STAG1: variants seen among roughly 807,000 people sequenced by gnomAD.
The protein encoded by STAG1 is cohesin subunit SA-1.
A neutral mutation model predicts 170.9 loss-of-function variants in STAG1; 26 were observed. That is an observed-to-expected ratio of 0.15 (90% CI 0.11 to 0.21). The LOEUF is 0.21. Ranked by LOEUF, STAG1 falls within the 10% of genes least tolerant of loss-of-function variation. STAG1 has a pLI of 1.00. For synonymous variants in STAG1, 514 were observed against 497.7 expected (o/e 1.03, Z -0.44); for missense variants, 964 against 1,509.5 (o/e 0.64, Z 5.99).
intron 3 of STAG1, among the ~76,000 whole-genome samples, chr3:136,613,399 T>A (rs1306364444): frequency 2.6e-5 from 4 of 152,104 alleles, no homozygotes; most frequent in Non-Finnish European, 5.9e-5. Flanking sequence ...ATTTTTAAAT[T>A]TCAGCCATTC....
Position 136,433,506 on chromosome 3 carries a change from T to C in STAG1, c.1650+50A>G, listed in dbSNP as rs776961311. 3.0e-6 allele frequency: 4 copies of C among 1,343,032 alleles called. No homozygotes were observed. In the East Asian group the frequency reaches 9.3e-5, roughly 31 times the overall value. The allele number at this position is 1,343,032 out of a possible 1,614,324, so 83.2% of individuals were successfully genotyped here. A position where few individuals can be genotyped will look rare whatever the true frequency, so the allele number is the denominator to read the frequency against. On this transcript the variant is annotated intron_variant, in intron 16 of 33. Transcript: ENST00000383202. ...TAAAATTTCCAAATATTTAAGACAG[T>C]TAATTGCCATTAAAAACCTTTTAGG...
At chr3:136,574,343 TACACACACACAC>T (rs144809759) in intron 4 of STAG1, among the ~76,000 whole-genome samples, 1 of 148,962 alleles carries the variant, frequency 6.7e-6, no homozygotes, top group South Asian at 2.1e-4. Context: ...TGTGTGTGTA[TACACACACACAC>T]ACACACACAC....
Position 136,380,343 on chromosome 3 carries a change from G to A in STAG1, c.2278-2591C>T, listed in dbSNP as rs367900461. ...TGCAGCCTCTGTCTCCCGGGTTCAA[G>A]CAATTCTGCTGCCTCAGCCTCCTGA... On this transcript the variant is annotated intron_variant, in intron 22 of 33. Coordinates refer to ENST00000383202, the MANE Select transcript of STAG1 (RefSeq NM_005862.3). 5.8e-4 allele frequency among the ~76,000 whole-genome samples: 88 copies of A among 152,134 alleles called. No individual in the cohort carries two copies. The East Asian group carries it at 8.6e-3, about 15-fold the overall frequency.
intron 13 of STAG1, among the ~76,000 whole-genome samples, chr3:136,456,657 C>T (rs1353569917): frequency 6.6e-6 from 1 of 152,148 alleles, no homozygotes; most frequent in Non-Finnish European, 1.5e-5. Context: ...ACAGAAAGCT[C>T]AGATGTCATC....
At chr3:136,462,761 C>A (rs865868217) in intron 13 of STAG1, among the ~76,000 whole-genome samples, 3 of 152,054 alleles carry the variant, frequency 2.0e-5, no homozygotes, top group Admixed American at 1.3e-4. Flanking sequence ...GTGCATGCAT[C>A]AAAATATCAC....
chr3:136,610,880 C>T (rs1231921382), intron 3 of STAG1, among the ~76,000 whole-genome samples: 2 of 152,126 alleles, frequency 1.3e-5, no homozygotes, highest in South Asian at 4.1e-4. Context: ...GCCCATTCAA[C>T]CCTTTCTCTT....
At chr3:136,392,328 C>T (rs114752559) in intron 22 of STAG1, among the ~76,000 whole-genome samples, 22 of 152,134 alleles carry the variant, frequency 1.4e-4, no homozygotes, top group African/African-American at 5.3e-4. Flanking sequence ...TATAGCTACA[C>T]AATAGATTAT....
At chr3:136,600,894 TGTTTTGTTTTGTTTG>T (rs774525311) in intron 4 of STAG1, among the ~76,000 whole-genome samples, 114 of 147,180 alleles carry the variant, frequency 7.7e-4, no homozygotes, top group South Asian at 1.5e-3. Context: ...TGTTTTGTTT[TGTTTTGTTTTGTTTG>T]AGAAGAAGTC....
chr3:136,349,160 T>C lies in STAG1; in HGVS notation c.3269A>G (p.Glu1090Gly). ...TTATAGTGTAAAGGCAGACTTACCTTCTACTCGTTTTTTATGAAGTGGAGG... is the reference window on the plus strand; with the variant it reads ...TTATAGTGTAAAGGCAGACTTACCTCCTACTCGTTTTTTATGAAGTGGAGG... ...GRPPLHKKRV[E>G]DESLDNTWLN... Residue 1090 changes from glutamate to glycine, a missense_variant and splice_region_variant, in exon 29 of 34, where the codon GAA (glutamate) becomes GGA (glycine). Around this residue, in one of 11 missense-constraint regions of STAG1, gnomAD observed 122 missense variants for 129.0 expected, o/e 0.95. Transcript: ENST00000383202. The C allele has an allele frequency of 6.2e-7, 1 of 1,612,954 alleles. No individual in the cohort carries two copies.
Position 136,422,750 on chromosome 3 carries a change from A to G in STAG1, c.1833+18T>C, listed in dbSNP as rs1405651204. 3.2e-6 allele frequency: 5 copies of G among 1,567,534 alleles called. No individual in the cohort carries two copies. Among genetic ancestry groups the G allele is most frequent in the Admixed American group, 1.9e-5 (1 of 52,404 alleles). ...ATAAAACTATAACAGCTGAATTTCA[A>G]TTTCATAATATCATTACCTTTTCCA... On this transcript the variant is annotated intron_variant, in intron 18 of 33. Transcript: ENST00000383202.
chr3:136,658,198 A>C (rs1051210072), intron 1 of STAG1, among the ~76,000 whole-genome samples: 8 of 134,288 alleles, frequency 6.0e-5, no homozygotes, highest in Non-Finnish European at 8.0e-5. Flanking sequence ...TCTTCCACCC[A>C]AAAAAAAAAA....
At chr3:136,461,078 A>G (rs2089259662) in intron 13 of STAG1, among the ~76,000 whole-genome samples, 1 of 152,258 alleles carries the variant, frequency 6.6e-6, no homozygotes, top group Non-Finnish European at 1.5e-5. Flanking sequence ...AGACTGAAAG[A>G]CAAAACTCAT....
intron 22 of STAG1, among the ~76,000 whole-genome samples, chr3:136,396,809 A>G (rs1560085403): frequency 6.6e-6 from 1 of 152,122 alleles, no homozygotes; most frequent in Non-Finnish European, 1.5e-5. Context: ...TACAGGCGCG[A>G]GCCACCGCAC....
intron 1 of STAG1, among the ~76,000 whole-genome samples, chr3:136,653,007 G>A (rs913557137): frequency 6.6e-6 from 1 of 152,162 alleles, no homozygotes; most frequent in Non-Finnish European, 1.5e-5. Flanking sequence ...GGGCACAGTG[G>A]TTCACGCCTG....
intron 13 of STAG1, among the ~76,000 whole-genome samples, chr3:136,456,759 A>G (rs955767829): frequency 1.3e-5 from 2 of 152,232 alleles, no homozygotes; most frequent in African/African-American, 2.4e-5. Context: ...CAAAGCATCA[A>G]AAGAAAAGAA....
At chr3:136,738,446 G>A (rs765283395) in intron 1 of STAG1, among the ~76,000 whole-genome samples, 2 of 152,216 alleles carry the variant, frequency 1.3e-5, no homozygotes, top group Admixed American at 6.5e-5. Flanking sequence ...AGCCAAAATC[G>A]CACCACTGCC....
chr3:136,611,813 T>A (rs902222559), intron 3 of STAG1, among the ~76,000 whole-genome samples: 2 of 151,364 alleles, frequency 1.3e-5, no homozygotes, highest in Non-Finnish European at 2.9e-5. Flanking sequence ...TTAATCTTGG[T>A]TTTAACTGTG....
intron 7 of STAG1, among the ~76,000 whole-genome samples, chr3:136,520,667 T>A (rs536599163): frequency 3.0e-4 from 46 of 152,234 alleles, no homozygotes; most frequent in African/African-American, 1.1e-3. Flanking sequence ...AACTAATCTG[T>A]TAGTTCTTCA....
chr3:136,740,992 T>C (rs543265280), intron 1 of STAG1, among the ~76,000 whole-genome samples: 78 of 152,304 alleles, frequency 5.1e-4, no homozygotes, highest in African/African-American at 1.8e-3. Context: ...CTAGACAGTT[T>C]TGGAAGACAA....
Sources: gnomAD v4.1 joint callset for allele counts (sites outside exome capture counted in the v4.1 genomes callset) on GRCh38, gnomAD v4.1.1 for gene constraint, gnomAD v4.1.1 regional missense constraint, MANE v1.5 for transcripts, NCBI Gene and HGNC (gene_info 2026-07-23, HGNC 2026-07-21) for gene names.